The following SNTB2 variants were observed in gnomAD, a reference collection of about 807,000 sequenced individuals.
The protein encoded by SNTB2 is beta-2-syntrophin.
SNTB2 carries 34 observed loss-of-function variants against 46.2 expected under a neutral mutation model. The ratio of observed to expected loss-of-function variants is 0.74; its 90% confidence interval spans 0.56 to 0.98. The LOEUF is 0.98. Among genes scored for constraint, SNTB2 ranks in the 50% least tolerant of loss-of-function variants. SNTB2 has a pLI of 0.00. For synonymous variants in SNTB2, 290 were observed against 312.6 expected (o/e 0.93, Z 0.76); for missense variants, 603 against 731.4 (o/e 0.82, Z 2.02).
chr16:69,210,047 C>T (rs1446524577), intron 1 of SNTB2, among the ~76,000 whole-genome samples: 4 of 97,344 alleles, frequency 4.1e-5, no homozygotes, highest in South Asian at 3.2e-4. Flanking sequence ...TTTTTTTAGA[C>T]GGAGTTTTGC....
chr16:69,199,700 T>C (rs529632452), intron 1 of SNTB2, among the ~76,000 whole-genome samples: 50 of 151,984 alleles, frequency 3.3e-4, no homozygotes, highest in South Asian at 1.0e-3. Flanking sequence ...TTGTCACTGA[T>C]TATTGTGTAC....
intron 2 of SNTB2, among the ~76,000 whole-genome samples, chr16:69,253,376 G>GT: frequency 6.6e-6 from 1 of 151,984 alleles, no homozygotes; most frequent in East Asian, 2.0e-4. Context: ...CTGGCCGGGC[G>GT]TGGTGCCTCA....
intron 1 of SNTB2, among the ~76,000 whole-genome samples, chr16:69,232,201 CTTTTTTCT>C (rs1964512355): frequency 1.4e-5 from 2 of 145,414 alleles, no homozygotes; most frequent in African/African-American, 5.1e-5. Context: ...ATAATTTTTT[CTTTTTTCT>C]TTTTTTTTTT....
chr16:69,218,385 T>C (rs1964369040), intron 1 of SNTB2, among the ~76,000 whole-genome samples: 1 of 152,154 alleles, frequency 6.6e-6, no homozygotes, highest in African/African-American at 2.4e-5. Context: ...TTTGATGTTT[T>C]CAAAGCATTG....
chr16:69,236,091 G>A (rs1310509390), intron 1 of SNTB2, among the ~76,000 whole-genome samples: 2 of 152,170 alleles, frequency 1.3e-5, no homozygotes, highest in African/African-American at 4.8e-5. Context: ...ATACCTTTCT[G>A]CAAGTAGTTT....
At chr16:69,238,623 T>TATA (rs1964580383) in intron 1 of SNTB2, among the ~76,000 whole-genome samples, 1 of 152,196 alleles carries the variant, frequency 6.6e-6, no homozygotes, top group Non-Finnish European at 1.5e-5. Flanking sequence ...GATTGTCTAA[T>TATA]GTATGTCTCA....
At chr16:69,220,857 A>G (rs1338283206) in intron 1 of SNTB2, among the ~76,000 whole-genome samples, 2 of 152,154 alleles carry the variant, frequency 1.3e-5, no homozygotes, top group African/African-American at 4.8e-5. Context: ...TGATGGGTAT[A>G]TACGGTCTAT....
rs569583330 is a variant in SNTB2, at chr16:69,253,376, G to A, written c.795-6674G>A. Among the ~76,000 whole-genome samples the A allele has an allele frequency of 4.6e-5, 7 of 151,984 alleles. No homozygotes were observed. The East Asian group carries it at 9.8e-4, about 21-fold the overall frequency. On this transcript the variant is annotated intron_variant, in intron 2 of 6. Transcript: ENST00000336278. ...TAAAAAACTGGTTAACTGGCCGGGC[G>A]TGGTGCCTCACACCTGTAATCCCAG...
intron 1 of SNTB2, among the ~76,000 whole-genome samples, chr16:69,216,433 A>T (rs893310974): frequency 1.3e-5 from 2 of 152,082 alleles, no homozygotes; most frequent in African/African-American, 4.8e-5. Context: ...CTATAATCCC[A>T]GTACTTTGGG....
At chr16:69,255,573 AGAAAG>A (rs912794246) in intron 2 of SNTB2, among the ~76,000 whole-genome samples, 2 of 147,968 alleles carry the variant, frequency 1.4e-5, no homozygotes, top group African/African-American at 2.5e-5. Context: ...AAAAAAAAAA[AGAAAG>A]AAAGAAAAAT....
At chr16:69,195,935 G>C (rs1403578252) in intron 1 of SNTB2, among the ~76,000 whole-genome samples, 1 of 152,102 alleles carries the variant, frequency 6.6e-6, no homozygotes, top group African/African-American at 2.4e-5. Context: ...CACTATAACA[G>C]GCTATAGGGC....
At chr16:69,226,036 A>T (rs1214387666) in intron 1 of SNTB2, among the ~76,000 whole-genome samples, 1 of 149,236 alleles carries the variant, frequency 6.7e-6, no homozygotes, top group Admixed American at 6.7e-5. Flanking sequence ...CCAAAGTGCT[A>T]GGATTAAAGG....
intron 1 of SNTB2, among the ~76,000 whole-genome samples, chr16:69,233,443 G>A (rs548214619): frequency 6.6e-6 from 1 of 152,160 alleles, no homozygotes; most frequent in South Asian, 2.1e-4. Context: ...ATCAAGATTG[G>A]GTGGGTATAT....
chr16:69,279,672 C>T (rs1057145379), intron 4 of SNTB2, among the ~76,000 whole-genome samples: 11 of 149,808 alleles, frequency 7.3e-5, no homozygotes. Flanking sequence ...ACTACAGGCT[C>T]CTGCCACCAT....
chr16:69,264,278 TCCTGGG>T (rs901743012), intron 3 of SNTB2, among the ~76,000 whole-genome samples: 1 of 152,194 alleles, frequency 6.6e-6, no homozygotes, highest in African/African-American at 2.4e-5. Context: ...TCTTCTGGTC[TCCTGGG>T]TCTGCCCTAC....
At chr16:69,220,423 G>T (rs1964392108) in intron 1 of SNTB2, among the ~76,000 whole-genome samples, 1 of 151,866 alleles carries the variant, frequency 6.6e-6, no homozygotes, top group Admixed American at 6.6e-5. Flanking sequence ...GCCTCCCAAA[G>T]TGCTGGGATT....
intron 1 of SNTB2, among the ~76,000 whole-genome samples, chr16:69,207,419 A>C (rs1225930935): frequency 2.0e-5 from 3 of 151,926 alleles, no homozygotes; most frequent in Admixed American, 6.5e-5. Flanking sequence ...TGGCCTCCCA[A>C]AGTGCTGGGA....
chr16:69,255,240 G>A (rs914631529), intron 2 of SNTB2, among the ~76,000 whole-genome samples: 2 of 151,892 alleles, frequency 1.3e-5, no homozygotes, highest in Non-Finnish European at 2.9e-5. Context: ...TAGGACTGCA[G>A]ATGTATGTCA....
chr16:69,243,980 T>G (rs1318394737), intron 1 of SNTB2, among the ~76,000 whole-genome samples: 1 of 152,254 alleles, frequency 6.6e-6, no homozygotes, highest in African/African-American at 2.4e-5. Context: ...ATTAAAATTT[T>G]TTAACTCTTC....
Sources: gnomAD v4.1 joint callset for allele counts (sites outside exome capture counted in the v4.1 genomes callset) on GRCh38, gnomAD v4.1.1 for gene constraint, MANE v1.5 for transcripts, NCBI Gene and HGNC (gene_info 2026-07-23, HGNC 2026-07-21) for gene names.